Variants in MAMDC2 observed in about 807,000 individuals in gnomAD.
MAMDC2 encodes the protein MAM domain-containing protein 2.
MAMDC2 carries 57 observed loss-of-function variants against 89.8 expected under a neutral mutation model. The ratio of observed to expected loss-of-function variants is 0.63; its 90% CI spans 0.51 to 0.79. MAMDC2 has a LOEUF of 0.79. Ranked by LOEUF, MAMDC2 falls within the 30% of genes least tolerant of loss-of-function variation. MAMDC2 has a pLI of 0.00. For synonymous variants in MAMDC2, 313 were observed against 293.4 expected (o/e 1.07, Z -0.68); for missense variants, 800 against 820.6 (o/e 0.97, Z 0.31).
intron 9 of MAMDC2, among the ~76,000 whole-genome samples, chr9:70,160,461 C>T (rs1372760390): frequency 6.6e-6 from 1 of 151,914 alleles, no homozygotes; most frequent in Admixed American, 6.6e-5. Context: ...ATTTATTTTC[C>T]ACTTGCATCT....
intron 11 of MAMDC2, among the ~76,000 whole-genome samples, chr9:70,199,489 T>G (rs1198948141): frequency 1.3e-5 from 2 of 150,232 alleles, no homozygotes; most frequent in African/African-American, 4.9e-5. Flanking sequence ...TCTGCTATTG[T>G]GAATAATGCC....
At chr9:70,187,598 T>C (rs2032784594) in intron 11 of MAMDC2, among the ~76,000 whole-genome samples, 1 of 152,110 alleles carries the variant, frequency 6.6e-6, no homozygotes, top group South Asian at 2.1e-4. Context: ...TACCCATTAG[T>C]AGTCACTCCC....
Position 70,065,378 on chromosome 9 carries a change from G to A in MAMDC2, c.148+20681G>A, listed in dbSNP as rs2997669. Among the ~76,000 whole-genome samples the A allele has an allele frequency of 7.3e-3, 1,105 of 152,162 alleles. 17 individuals carry two copies. The highest frequency in any genetic ancestry group is 0.025 in the African/African-American group (1,048 of 41,502). ...TGTCCAGAAAATCAAGAGTTTTGATGACTACTAATCTATCCATATGTAAAT... is the reference window on the plus strand; with the variant it reads ...TGTCCAGAAAATCAAGAGTTTTGATAACTACTAATCTATCCATATGTAAAT... On this transcript the variant is annotated intron_variant, in intron 2 of 13. Coordinates refer to ENST00000377182, the MANE Select transcript of MAMDC2 (RefSeq NM_153267.5).
At chr9:70,204,487 C>T (rs1454370849) in intron 11 of MAMDC2, among the ~76,000 whole-genome samples, 1 of 149,286 alleles carries the variant, frequency 6.7e-6, no homozygotes, top group Non-Finnish European at 1.5e-5. Flanking sequence ...TTTAAGTCTG[C>T]AGAGGTTACT....
In MAMDC2 at chr9:70,108,404, G is replaced by C. The variant is rs1183852762; in HGVS notation, c.342G>C (p.Leu114Phe). 6.2e-7 allele frequency: 1 copy of C among 1,614,082 alleles called. No individual in the cohort carries two copies. Among genetic ancestry groups the C allele is most frequent in the South Asian group, 1.1e-5 (1 of 91,058 alleles). The change falls in exon 3 of 14, where the codon TTG (leucine) becomes TTC (phenylalanine). Residue 114 changes from leucine to phenylalanine, a missense_variant. Coordinates refer to ENST00000377182, the MANE Select transcript of MAMDC2 (RefSeq NM_153267.5). ...TTGAAGATGAAAGCTTTGATCGCTT[G>C]CTTTGGTCAGCTAAGGAACCTTCAG... ...MRFEDESFDRLLWSAKEPSDS... is the reference protein window; with the variant it reads ...MRFEDESFDRFLWSAKEPSDS...
At chr9:70,107,399 G>C (rs1045369508) in intron 2 of MAMDC2, among the ~76,000 whole-genome samples, 2 of 152,118 alleles carry the variant, frequency 1.3e-5, no homozygotes, top group Non-Finnish European at 2.9e-5. Flanking sequence ...AGGGGAATAA[G>C]AAGACAGAAG....
In MAMDC2 at chr9:70,136,683, C is replaced by T. The variant is rs149908283; in HGVS notation, c.995-3462C>T. ...AGATTCATTCCTGATGAGGAATTCA[C>T]TGACCTACTGTTTTCGTGCATGGCA... On this transcript the variant is annotated intron_variant, in intron 7 of 13. Coordinates refer to ENST00000377182, the MANE Select transcript of MAMDC2 (RefSeq NM_153267.5). Among the ~76,000 whole-genome samples, 11 of 152,332 alleles carry T rather than the reference C, an allele frequency of 7.2e-5. No individual in the cohort carries two copies. The East Asian group carries it at 1.9e-3, about 27-fold the overall frequency.
intron 12 of MAMDC2, among the ~76,000 whole-genome samples, chr9:70,222,867 G>A (rs564503901): frequency 1.3e-5 from 2 of 152,044 alleles, no homozygotes; most frequent in Non-Finnish European, 2.9e-5. Context: ...GGCAGGGTGC[G>A]GTGGCTTACA....
At chr9:70,069,099 G>A (rs1045144592) in intron 2 of MAMDC2, among the ~76,000 whole-genome samples, 1 of 152,168 alleles carries the variant, frequency 6.6e-6, no homozygotes, top group African/African-American at 2.4e-5. Context: ...CACAAGAGAG[G>A]AATAAGCTGA....
chr9:70,189,571 T>C (rs1478387108), intron 11 of MAMDC2, among the ~76,000 whole-genome samples: 1 of 152,174 alleles, frequency 6.6e-6, no homozygotes, highest in Admixed American at 6.5e-5. Flanking sequence ...ACTCCTTGAA[T>C]TTTCCTAGTT....
chr9:70,179,294 C>T (rs1375665183), intron 11 of MAMDC2, among the ~76,000 whole-genome samples: 6 of 151,908 alleles, frequency 3.9e-5, no homozygotes, highest in African/African-American at 7.2e-5. Flanking sequence ...AGGCGGATCA[C>T]GAGGTCAGGA....
intron 2 of MAMDC2, among the ~76,000 whole-genome samples, chr9:70,094,503 A>G (rs1057398882): frequency 1.3e-5 from 2 of 152,238 alleles, no homozygotes; most frequent in South Asian, 2.1e-4. Flanking sequence ...TGTGAAAATA[A>G]TAACTGTGGT....
At chr9:70,178,511 A>T (rs1015740525) in intron 11 of MAMDC2, among the ~76,000 whole-genome samples, 1 of 152,228 alleles carries the variant, frequency 6.6e-6, no homozygotes, top group African/African-American at 2.4e-5. Flanking sequence ...TGGGGGATAC[A>T]TCCAAACCAT....
At chr9:70,205,386 G>A (rs774081176) in intron 11 of MAMDC2, among the ~76,000 whole-genome samples, 2 of 152,198 alleles carry the variant, frequency 1.3e-5, no homozygotes, top group South Asian at 2.1e-4. Context: ...ATTTTAGAGC[G>A]ACACCTTCTA....
intron 11 of MAMDC2, among the ~76,000 whole-genome samples, chr9:70,203,188 TGGTACC>T (rs2033141947): frequency 6.6e-6 from 1 of 152,114 alleles, no homozygotes; most frequent in African/African-American, 2.4e-5. Flanking sequence ...TTGCAGCGGC[TGGTACC>T]GGTTGTTCCT....
intron 11 of MAMDC2, among the ~76,000 whole-genome samples, chr9:70,212,939 A>T (rs2033385050): frequency 1.3e-5 from 2 of 152,326 alleles, no homozygotes; most frequent in East Asian, 3.9e-4. Context: ...TGTGCAGGCT[A>T]TCCCTGATTT....
intron 11 of MAMDC2, among the ~76,000 whole-genome samples, chr9:70,179,193 C>T (rs569316170): frequency 6.6e-6 from 1 of 152,114 alleles, no homozygotes; most frequent in African/African-American, 2.4e-5. Context: ...CATTGGAGAT[C>T]TATCTCTAGC....
At chr9:70,091,870 ACT>A (rs1827909875) in intron 2 of MAMDC2, among the ~76,000 whole-genome samples, 3 of 152,142 alleles carry the variant, frequency 2.0e-5, no homozygotes, top group Non-Finnish European at 4.4e-5. Flanking sequence ...TTTTCTCCCA[ACT>A]TTACTGTGAT....
chr9:70,203,247 C>G (rs1432226613), intron 11 of MAMDC2, among the ~76,000 whole-genome samples: 1 of 152,098 alleles, frequency 6.6e-6, no homozygotes, highest in Non-Finnish European at 1.5e-5. Context: ...TTAGGGCAGG[C>G]CTGATGGTGA....
Sources: allele counts gnomAD v4.1 joint callset (sites outside exome capture counted in the v4.1 genomes callset), GRCh38; gene constraint gnomAD v4.1.1; transcripts MANE v1.5; gene names NCBI Gene and HGNC (gene_info 2026-07-23, HGNC 2026-07-21).